The following NUDT9 variants were observed in gnomAD, a reference collection of about 807,000 sequenced individuals.
NUDT9 encodes ADP-ribose pyrophosphatase.
Under a neutral mutation model 41.0 loss-of-function variants are expected in NUDT9, and 31 were observed. The ratio of observed to expected loss-of-function variants is 0.76; its 90% CI spans 0.57 to 1.02. The LOEUF is 1.02. NUDT9 is among the 50% of genes least tolerant of loss of function. NUDT9 has a pLI of 0.00. For missense variants in NUDT9, 380 were observed against 431.4 expected, an observed-to-expected ratio of 0.88 and a Z score of 1.06; for synonymous variants, 146 against 147.6, an observed-to-expected ratio of 0.99 and a Z score of 0.08.
intron 5 of NUDT9, among the ~76,000 whole-genome samples, chr4:87,451,308 C>G (rs182469364): frequency 6.6e-6 from 1 of 152,252 alleles, no homozygotes; most frequent in Non-Finnish European, 1.5e-5. Flanking sequence ...TATTTCTAAC[C>G]TCCAGTCCTT....
intron 1 of NUDT9, among the ~76,000 whole-genome samples, chr4:87,427,550 A>G (rs1435490273): frequency 6.6e-6 from 1 of 152,234 alleles, no homozygotes; most frequent in East Asian, 1.9e-4. Flanking sequence ...TATAGCCTGA[A>G]TTTTTGCACA....
Position 87,451,690 on chromosome 4 carries a change from A to G in NUDT9, c.744A>G (p.Glu248=), listed in dbSNP as rs143579867. 29 of 1,613,844 alleles carry G rather than the reference A, an allele frequency of 1.8e-5. No homozygotes were observed. Among genetic ancestry groups the G allele is most frequent in the Middle Eastern group, 1.6e-4 (1 of 6,082 alleles). Residue 248 remains glutamate, a synonymous_variant, in exon 6 of 8, where the codon GAA becomes GAG. Coordinates refer to ENST00000302174, the MANE Select transcript of NUDT9 (RefSeq NM_024047.5). ...AGAAAACCAGTGCTGAGAAGAGAGAAATAGAGGAAAAGTTGCACAAACTCT... is the reference window on the plus strand; with the variant it reads ...AGAAAACCAGTGCTGAGAAGAGAGAGATAGAGGAAAAGTTGCACAAACTCT... ...SLQKTSAEKR[E]IEEKLHKLFS...
intron 1 of NUDT9, among the ~76,000 whole-genome samples, chr4:87,431,932 A>G (rs2110164237): frequency 6.6e-6 from 1 of 152,290 alleles, no homozygotes; most frequent in East Asian, 1.9e-4. Flanking sequence ...GTGATCCACT[A>G]GCCTCTGCCT....
rs56861247 is a variant in NUDT9, at chr4:87,423,162, T to C, written c.107+150T>C. 1.7e-3 allele frequency: 898 copies of C among 526,266 alleles called. 10 individuals carry two copies. Among genetic ancestry groups the C allele is most frequent in the African/African-American group, 0.016 (809 of 50,328 alleles). The allele number at this position is 526,266 out of a possible 1,614,324, so 32.6% of individuals were successfully genotyped here. ...AAGTTTTCAAAAAGGCTCTAAAATA[T>C]TTTATCTGCCTTTTGAGGAAAACGA... is the stretch of plus-strand genomic sequence containing the variant. On this transcript the variant is annotated intron_variant, in intron 1 of 7. Coordinates refer to ENST00000302174, the MANE Select transcript of NUDT9 (RefSeq NM_024047.5).
At chr4:87,440,837 C>T (rs1722172861) in intron 3 of NUDT9, among the ~76,000 whole-genome samples, 1 of 137,290 alleles carries the variant, frequency 7.3e-6, no homozygotes, top group Admixed American at 7.4e-5. Context: ...CAGAGTGAGA[C>T]TCTGTCTCAA....
chr4:87,439,109 T>C (rs56799099), intron 3 of NUDT9, among the ~76,000 whole-genome samples: 4,838 of 150,542 alleles, frequency 0.032, 253 homozygotes, highest in African/African-American at 0.11. Flanking sequence ...GAGGTTGCGG[T>C]GGGCTGAGAT....
intron 1 of NUDT9, among the ~76,000 whole-genome samples, chr4:87,424,750 A>G (rs1721329522): frequency 6.6e-6 from 1 of 152,148 alleles, no homozygotes; most frequent in Admixed American, 6.5e-5. Flanking sequence ...GAAGGAAGGA[A>G]TACACGTGTG....
At chr4:87,441,995 A>G (rs908014628) in intron 4 of NUDT9, 80 bp downstream of exon 4, 2 of 919,852 alleles carry the variant, frequency 2.2e-6, no homozygotes, top group African/African-American at 1.7e-5. Context: ...GTTTGTGTAT[A>G]TATGTATACC....
At chr4:87,447,001 T>A (rs1722490809) in intron 4 of NUDT9, among the ~76,000 whole-genome samples, 1 of 152,100 alleles carries the variant, frequency 6.6e-6, no homozygotes, top group Non-Finnish European at 1.5e-5. Context: ...AAATACAAAC[T>A]GGTTATGGTT....
chr4:87,437,953 A>G (rs1482962084), intron 2 of NUDT9, among the ~76,000 whole-genome samples: 1 of 152,130 alleles, frequency 6.6e-6, no homozygotes, highest in East Asian at 1.9e-4. Flanking sequence ...TGTGCCCACA[A>G]ACAATTCCTT....
intron 1 of NUDT9, among the ~76,000 whole-genome samples, chr4:87,423,645 A>G (rs1454462757): frequency 6.6e-6 from 1 of 152,202 alleles, no homozygotes; most frequent in Non-Finnish European, 1.5e-5. Context: ...AATTAGAAAA[A>G]TCTATTTCCT....
Position 87,458,621 on chromosome 4 carries a change from A to G in NUDT9, c.*600A>G, listed in dbSNP as rs1172837050. The G allele has an allele frequency of 6.6e-6, 1 of 152,250 alleles. No individual in the cohort carries two copies. The highest frequency in any genetic ancestry group is 1.5e-5 in the Non-Finnish European group (1 of 68,042). 9.4% of individuals were successfully genotyped at this position (152,250 alleles called of 1,614,324 possible). A position where few individuals can be genotyped will look rare whatever the true frequency, so the allele number is the denominator to read the frequency against. On this transcript the variant is annotated 3_prime_UTR_variant, in exon 8 of 8. Coordinates refer to ENST00000302174, the MANE Select transcript of NUDT9 (RefSeq NM_024047.5). ...GGAAATTTCAGCCACTAGTCAATAG[A>G]GATCAAAATCAGTGAACAAGAGCTG...
chr4:87,457,289 G>A (rs1325575350), intron 7 of NUDT9, among the ~76,000 whole-genome samples: 2 of 138,642 alleles, frequency 1.4e-5, no homozygotes, highest in African/African-American at 5.4e-5. Flanking sequence ...AGGCTGGAGT[G>A]CAGTGGTGTG....
chr4:87,444,868 G>A (rs946134070), intron 4 of NUDT9, among the ~76,000 whole-genome samples: 13 of 152,118 alleles, frequency 8.5e-5, no homozygotes, highest in African/African-American at 3.1e-4. Flanking sequence ...GCAGAGTCTG[G>A]CTTTCAACTG....
In NUDT9 at chr4:87,451,672, C is replaced by T; in HGVS notation, c.726C>T (p.Thr242=). The change falls in exon 6 of 8, where the codon ACC becomes ACT. Residue 242 remains threonine (T), a synonymous_variant. Transcript: ENST00000302174. ...AAGCTCTCAACTCCTTACAGAAAAC[C>T]AGTGCTGAGAAGAGAGAAATAGAGG... ...GEEALNSLQK[T]SAEKREIEEK... 6.2e-7 allele frequency: 1 copy of T among 1,613,792 alleles called. No individual in the cohort carries two copies. The highest frequency in any genetic ancestry group is 8.5e-7 in the Non-Finnish European group (1 of 1,179,808).
chr4:87,456,114 T>A (rs1722980307), intron 7 of NUDT9, among the ~76,000 whole-genome samples: 1 of 152,236 alleles, frequency 6.6e-6, no homozygotes, highest in Non-Finnish European at 1.5e-5. Context: ...AAATTTCCTC[T>A]AGTTTTGGGT....
chr4:87,448,099 C>A, intron 4 of NUDT9, among the ~76,000 whole-genome samples: 1 of 147,432 alleles, frequency 6.8e-6, no homozygotes, highest in African/African-American at 2.5e-5. Flanking sequence ...GTCATATAAT[C>A]TGCTTTTCTC....
intron 4 of NUDT9, among the ~76,000 whole-genome samples, chr4:87,446,409 G>A (rs924275673): frequency 4.0e-5 from 6 of 151,896 alleles, no homozygotes; most frequent in African/African-American, 1.2e-4. Context: ...CTAATTTTTT[G>A]TATTTAGTAG....
rs770667256 is a variant in NUDT9, at chr4:87,422,989, C to G, written c.84C>G (p.Arg28=). Residue 28 remains arginine (R), a synonymous_variant, in exon 1 of 8, where the codon CGC becomes CGG. Transcript: ENST00000302174. ...CCTCTGTGACTATCAGGTCCTCGCG[C>G]TGCCGCGGCATCCAGGCGTTCAGGT... ...ALASVTIRSS[R]CRGIQAFRNS... 1.1e-5 allele frequency: 18 copies of G among 1,613,070 alleles called. No homozygotes were observed. The highest frequency in any genetic ancestry group is 1.6e-4 in the Middle Eastern group (1 of 6,082).
Sources: allele counts gnomAD v4.1 joint callset (sites outside exome capture counted in the v4.1 genomes callset), GRCh38; gene constraint gnomAD v4.1.1; transcripts MANE v1.5; gene names NCBI Gene and HGNC (gene_info 2026-07-23, HGNC 2026-07-21).